The following MTOR variants were observed in gnomAD, a reference collection of about 807,000 sequenced individuals.
MTOR encodes the protein serine/threonine-protein kinase mTOR.
MTOR carries 70 observed loss-of-function variants against 319.8 expected under a neutral mutation model. That is an observed-to-expected ratio of 0.22 (90% CI 0.18 to 0.27). MTOR has a LOEUF of 0.27. Ranked by LOEUF, MTOR falls within the 10% of genes least tolerant of loss-of-function variation. The pLI, the probability that MTOR is intolerant of heterozygous loss-of-function variation, is 1.00. For synonymous variants in MTOR, 1,183 were observed against 1,211.4 expected, an observed-to-expected ratio of 0.98 and a Z score of 0.49; for missense variants, 1,890 against 3,274.4, an observed-to-expected ratio of 0.58 and a Z score of 10.32.
At position 11,133,727 on chromosome 1, in the gene MTOR, C is replaced by A. The variant is rs1643269722; in HGVS notation, c.5247-530G>T. 6.6e-6 allele frequency among the ~76,000 whole-genome samples: 1 copy of A among 152,176 alleles called. No homozygotes were observed. The highest frequency in any genetic ancestry group is 6.5e-5 in the Admixed American group (1 of 15,272). On this transcript the variant is annotated intron_variant, in intron 37 of 57. Coordinates refer to ENST00000361445, the MANE Select transcript of MTOR (RefSeq NM_004958.4). The surrounding 1 kb of genome is among the most constrained non-coding windows in gnomAD (Gnocchi z 4.0). ...ATCCCTTTTATATTGGTAACTGAGG[C>A]ATAGAGAGGTTAAGTCACTTCTCTG...
intron 28 of MTOR, among the ~76,000 whole-genome samples, chr1:11,198,955 C>T (rs369100338): frequency 1.3e-5 from 2 of 152,196 alleles, no homozygotes; most frequent in East Asian, 1.9e-4. Flanking sequence ...GACATAAAAC[C>T]TATCTTCCTA....
Position 11,109,409 on chromosome 1 carries a change from A to G in MTOR, c.7448-39T>C, listed in dbSNP as rs752518574. 19 of 1,591,672 alleles carry G rather than the reference A, an allele frequency of 1.2e-5. No individual in the cohort carries two copies. The East Asian group carries it at 4.0e-4, about 34-fold the overall frequency. ...AAGTAGAAATAACTGTAAGAATGGGAGCAATACAACAGGTTCAATGGGTGC... is the reference window on the plus strand; with the variant it reads ...AAGTAGAAATAACTGTAAGAATGGGGGCAATACAACAGGTTCAATGGGTGC... On this transcript the variant is annotated intron_variant, in intron 55 of 57. Transcript: ENST00000361445. This position sits in a 1 kb window ranked among gnomAD's most constrained non-coding sequence, Gnocchi z 4.0.
At chr1:11,206,047 A>G (rs1190647387) in intron 25 of MTOR, among the ~76,000 whole-genome samples, 2 of 152,232 alleles carry the variant, frequency 1.3e-5, no homozygotes, top group Non-Finnish European at 2.9e-5. Context: ...GAAATGTTAC[A>G]AGAGACAAAC....
intron 19 of MTOR, among the ~76,000 whole-genome samples, chr1:11,222,353 T>G (rs1486210893): frequency 6.6e-6 from 1 of 152,074 alleles, no homozygotes; most frequent in Non-Finnish European, 1.5e-5. Flanking sequence ...CCTGCCACCA[T>G]GCCTGGCTAA....
At chr1:11,161,561 G>A (rs746249950) in intron 29 of MTOR, among the ~76,000 whole-genome samples, 12 of 152,140 alleles carry the variant, frequency 7.9e-5, no homozygotes, top group African/African-American at 2.2e-4. Flanking sequence ...CACCTCACAC[G>A]GCTGGGTGCC....
At chr1:11,171,701 C>T (rs1346681408) in intron 28 of MTOR, among the ~76,000 whole-genome samples, 2 of 152,108 alleles carry the variant, frequency 1.3e-5, no homozygotes, top group East Asian at 3.9e-4. Flanking sequence ...CATAGCTTTG[C>T]AAATTAAAAA....
At chr1:11,181,417 C>T (rs973643402) in intron 28 of MTOR, among the ~76,000 whole-genome samples, 6 of 152,016 alleles carry the variant, frequency 3.9e-5, no homozygotes, top group African/African-American at 9.7e-5. Context: ...TCCAGCTACT[C>T]GGGAGGCTGA....
Position 11,128,493 on chromosome 1 carries a change from A to G in MTOR, c.5871T>C (p.Ile1957=), listed in dbSNP as rs1403153510. 6.2e-7 allele frequency: 1 copy of G among 1,614,222 alleles called. No homozygotes were observed. Among genetic ancestry groups the G allele is most frequent in the Non-Finnish European group, 8.5e-7 (1 of 1,180,050 alleles). The change falls in exon 42 of 58, where the codon ATT becomes ATC. Residue 1957 remains isoleucine, a synonymous_variant. Coordinates refer to ENST00000361445, the MANE Select transcript of MTOR (RefSeq NM_004958.4). The surrounding 1 kb of genome is among the most constrained non-coding windows in gnomAD (Gnocchi z 5.3). The part of the protein sequence containing the change: ...DTPRPLVGRL[I]HQLLTDIGRY... ...GACCAATGTCTGTGAGAAGCTGGTG[A>G]ATGAGACGTCCCACCAAGGGTCTGG... is the stretch of plus-strand genomic sequence containing the variant.
At chr1:11,232,355 G>T in intron 16 of MTOR, 81 bp downstream of exon 16, 1 of 983,868 alleles carries the variant, frequency 1.0e-6, no homozygotes, top group Non-Finnish European at 1.6e-6. Context: ...ACTGGGTGAG[G>T]ACACTAAGGT....
intron 6 of MTOR, among the ~76,000 whole-genome samples, chr1:11,251,507 C>T (rs928428877): frequency 6.6e-6 from 1 of 152,080 alleles, no homozygotes; most frequent in Non-Finnish European, 1.5e-5. Context: ...TCTATCTTCC[C>T]TTATAAGAAT....
chr1:11,169,705 A>G (rs1218635649), intron 28 of MTOR, among the ~76,000 whole-genome samples: 1 of 152,164 alleles, frequency 6.6e-6, no homozygotes, highest in East Asian at 1.9e-4. Flanking sequence ...TTAATTTTTA[A>G]TTTTTTTAGG....
chr1:11,125,677 C>T (rs971309749), intron 46 of MTOR, among the ~76,000 whole-genome samples: 5 of 149,258 alleles, frequency 3.3e-5, no homozygotes, highest in Non-Finnish European at 5.9e-5. Flanking sequence ...TGCAGTGAGC[C>T]GAGAGCACAC....
In MTOR at chr1:11,211,013, G is replaced by C. The variant is rs1284087043; in HGVS notation, c.3562-107C>G. On this transcript the variant is annotated intron_variant, in intron 23 of 57. Coordinates refer to ENST00000361445, the MANE Select transcript of MTOR (RefSeq NM_004958.4). ...CATTATGACCATTTCTTCTGGGTTT[G>C]TGGCTAGCTCTGTGATATTCAAAAG... is the stretch of plus-strand genomic sequence containing the variant. 5 of 673,902 alleles carry C rather than the reference G, an allele frequency of 7.4e-6. No homozygotes were observed. The Admixed American group carries it at 1.3e-4, about 17-fold the overall frequency. 41.7% of individuals were successfully genotyped at this position (673,902 alleles called of 1,614,324 possible).
intron 28 of MTOR, among the ~76,000 whole-genome samples, chr1:11,181,644 C>A (rs1645148199): frequency 6.6e-6 from 1 of 152,192 alleles, no homozygotes; most frequent in Non-Finnish European, 1.5e-5. Flanking sequence ...AAACTGACCC[C>A]ATGCAGGACA....
intron 32 of MTOR, 45 bp from the exon 33 acceptor site, chr1:11,145,090 C>G: frequency 6.4e-7 from 1 of 1,573,050 alleles, no homozygotes; most frequent in Non-Finnish European, 8.7e-7. Flanking sequence ...GACTTGGGAG[C>G]TTAGGGTTAT....
chr1:11,134,856 T>C (rs1433093182), intron 36 of MTOR, among the ~76,000 whole-genome samples: 1 of 152,220 alleles, frequency 6.6e-6, no homozygotes, highest in Non-Finnish European at 1.5e-5. Flanking sequence ...CTAATAAAAC[T>C]TTGGTATTTG....
At chr1:11,230,375 G>C (rs1646976966) in intron 18 of MTOR, among the ~76,000 whole-genome samples, 1 of 152,144 alleles carries the variant, frequency 6.6e-6, no homozygotes, top group Non-Finnish European at 1.5e-5. Flanking sequence ...CTGTATTCCA[G>C]CCTGGGCAAC....
intron 28 of MTOR, among the ~76,000 whole-genome samples, chr1:11,175,029 AC>A (rs957488978): frequency 2.6e-5 from 4 of 152,216 alleles, no homozygotes; most frequent in African/African-American, 9.6e-5. Flanking sequence ...TCTCCTCTTG[AC>A]GCCTACTGAG....
At chr1:11,136,039 G>A (rs1417442408) in intron 36 of MTOR, among the ~76,000 whole-genome samples, 2 of 152,160 alleles carry the variant, frequency 1.3e-5, no homozygotes, top group East Asian at 3.8e-4. Context: ...GGAGGCTGAG[G>A]CAGGAGAATT....
Sources: gnomAD v4.1 joint callset for allele counts (sites outside exome capture counted in the v4.1 genomes callset) on GRCh38, gnomAD v4.1.1 for gene constraint, Gnocchi (gnomAD v3.1) non-coding constraint, MANE v1.5 for transcripts, NCBI Gene and HGNC (gene_info 2026-07-23, HGNC 2026-07-21) for gene names.